Variants in TMTC2 observed in about 807,000 individuals in gnomAD.
TMTC2 encodes protein O-mannosyl-transferase TMTC2.
Under a neutral mutation model 82.4 loss-of-function variants are expected in TMTC2, and 43 were observed. That is an observed-to-expected ratio of 0.52 (90% CI 0.41 to 0.67). TMTC2 has a LOEUF of 0.67. Among genes scored for constraint, TMTC2 ranks in the 30% least tolerant of loss-of-function variants. TMTC2 has a pLI of 0.00. For synonymous variants in TMTC2, 408 were observed against 381.9 expected (o/e 1.07, Z -0.80); for missense variants, 919 against 1,012.4 (o/e 0.91, Z 1.25).
chr12:82,939,855 T>A (rs539122662), intron 4 of TMTC2, among the ~76,000 whole-genome samples: 1 of 152,250 alleles, frequency 6.6e-6, no homozygotes, highest in East Asian at 1.9e-4. Flanking sequence ...TGTTTTATCT[T>A]CAATGTGAAC....
At chr12:83,078,197 T>A (rs1883352433) in intron 11 of TMTC2, among the ~76,000 whole-genome samples, 1 of 152,088 alleles carries the variant, frequency 6.6e-6, no homozygotes, top group Non-Finnish European at 1.5e-5. Context: ...GCATAATTTT[T>A]GCGGCAACTG....
intron 1 of TMTC2, among the ~76,000 whole-genome samples, chr12:82,699,959 G>A (rs1168231621): frequency 6.6e-6 from 1 of 152,090 alleles, no homozygotes; most frequent in East Asian, 1.9e-4. Flanking sequence ...AATATAGGAT[G>A]ACTATATTTA....
At chr12:82,807,415 G>A (rs1404879993) in intron 1 of TMTC2, among the ~76,000 whole-genome samples, 1 of 151,954 alleles carries the variant, frequency 6.6e-6, no homozygotes, top group African/African-American at 2.4e-5. Context: ...TCAATTGTTG[G>A]GGAAATATTT....
intron 1 of TMTC2, among the ~76,000 whole-genome samples, chr12:82,717,580 CA>C (rs1873962115): frequency 6.6e-6 from 1 of 152,092 alleles, no homozygotes; most frequent in African/African-American, 2.4e-5. Context: ...TTATCTTAGG[CA>C]CTTAACTTGA....
At chr12:82,837,568 A>T (rs1870116664) in intron 1 of TMTC2, among the ~76,000 whole-genome samples, 1 of 152,200 alleles carries the variant, frequency 6.6e-6, no homozygotes, top group Non-Finnish European at 1.5e-5. Flanking sequence ...ATTTGGCATT[A>T]TTGTAATTGT....
chr12:82,739,228 A>G (rs544335763), intron 1 of TMTC2, among the ~76,000 whole-genome samples: 72 of 152,188 alleles, frequency 4.7e-4, no homozygotes, highest in African/African-American at 1.7e-3. Context: ...AGTGATTGTA[A>G]ATATCATACT....
At chr12:82,865,611 A>G (rs1242989816) in intron 2 of TMTC2, among the ~76,000 whole-genome samples, 1 of 152,216 alleles carries the variant, frequency 6.6e-6, no homozygotes, top group African/African-American at 2.4e-5. Context: ...ACGAGACAGG[A>G]AATTAACAAG....
At chr12:82,748,446 A>G (rs565463384) in intron 1 of TMTC2, among the ~76,000 whole-genome samples, 50 of 152,336 alleles carry the variant, frequency 3.3e-4, no homozygotes, top group Non-Finnish European at 4.4e-4. Flanking sequence ...CAACTTACTA[A>G]TGGTATGATG....
intron 7 of TMTC2, among the ~76,000 whole-genome samples, chr12:82,982,007 C>CT (rs755625157): frequency 0.021 from 2,859 of 137,890 alleles, 88 homozygotes; most frequent in African/African-American, 0.068. Context: ...TTGACATTTG[C>CT]TTTTTTTTTT....
chr12:82,816,301 A>C (rs1385362603), intron 1 of TMTC2, among the ~76,000 whole-genome samples: 1 of 152,116 alleles, frequency 6.6e-6, no homozygotes, highest in Non-Finnish European at 1.5e-5. Flanking sequence ...CCTAAAATTC[A>C]TTCAGCAAAA....
intron 11 of TMTC2, 39 bp downstream of exon 11, chr12:83,061,870 A>G (rs769949703): frequency 1.3e-6 from 2 of 1,482,394 alleles, no homozygotes; most frequent in African/African-American, 1.4e-5. Flanking sequence ...TCAGAGGGAT[A>G]GACTCCAAGC....
intron 1 of TMTC2, among the ~76,000 whole-genome samples, chr12:82,705,870 A>G (rs1592861077): frequency 6.6e-6 from 1 of 152,330 alleles, no homozygotes; most frequent in South Asian, 2.1e-4. Flanking sequence ...CCAAGCAAAC[A>G]GCTACTCTAA....
chr12:82,712,178 T>A (rs931742456), intron 1 of TMTC2, among the ~76,000 whole-genome samples: 2 of 152,154 alleles, frequency 1.3e-5, no homozygotes, highest in Non-Finnish European at 2.9e-5. Context: ...ACGCCTGTAA[T>A]CCTAGCATTT....
chr12:82,753,836 G>A (rs1421371081), intron 1 of TMTC2, among the ~76,000 whole-genome samples: 1 of 152,184 alleles, frequency 6.6e-6, no homozygotes, highest in Non-Finnish European at 1.5e-5. Flanking sequence ...GTGTCTTATG[G>A]TGATGAAAGT....
intron 11 of TMTC2, among the ~76,000 whole-genome samples, chr12:83,107,118 A>G (rs73368054): frequency 0.023 from 3,554 of 152,300 alleles, 150 homozygotes; most frequent in African/African-American, 0.079. Context: ...GCTCAGGGGA[A>G]CTTTTTCTCT....
intron 3 of TMTC2, among the ~76,000 whole-genome samples, chr12:82,910,636 T>G (rs1874584512): frequency 6.6e-6 from 1 of 152,268 alleles, no homozygotes; most frequent in South Asian, 2.1e-4. Flanking sequence ...GATTAAGAAG[T>G]AGCTCTTAGC....
At chr12:82,755,762 C>A (rs1423183059) in intron 1 of TMTC2, among the ~76,000 whole-genome samples, 1 of 152,116 alleles carries the variant, frequency 6.6e-6, no homozygotes, top group Non-Finnish European at 1.5e-5. Flanking sequence ...TTGACACACC[C>A]TTGTAAGTTT....
intron 11 of TMTC2, among the ~76,000 whole-genome samples, chr12:83,083,367 G>T (rs1034934320): frequency 6.6e-6 from 1 of 151,982 alleles, no homozygotes; most frequent in Non-Finnish European, 1.5e-5. Context: ...TGGCTTGCTC[G>T]GGCAGTAACT....
chr12:82,744,280 TG>T (rs1875566856), intron 1 of TMTC2, among the ~76,000 whole-genome samples: 1 of 152,100 alleles, frequency 6.6e-6, no homozygotes, highest in Admixed American at 6.6e-5. Context: ...AAAAATTAGC[TG>T]GGCGTAGTGG....
Sources: allele counts gnomAD v4.1 joint callset (sites outside exome capture counted in the v4.1 genomes callset), GRCh38; gene constraint gnomAD v4.1.1; transcripts MANE v1.5; gene names NCBI Gene and HGNC (gene_info 2026-07-23, HGNC 2026-07-21).